The following PBX1 variants were observed in gnomAD, a reference collection of about 807,000 sequenced individuals.
The protein encoded by PBX1 is pre-B-cell leukemia transcription factor 1.
In PBX1, 6 loss-of-function variants were observed where a neutral mutation model predicts 53.4. The observed-to-expected ratio is 0.11, with a 90% CI of 0.06 to 0.22. PBX1 has a LOEUF of 0.22. Ranked by LOEUF, PBX1 falls within the 10% of genes least tolerant of loss-of-function variation. PBX1 has a pLI of 1.00. For synonymous variants in PBX1, 204 were observed against 212.3 expected, an observed-to-expected ratio of 0.96 and a Z score of 0.34; for missense variants, 251 against 551.4, an observed-to-expected ratio of 0.46 and a Z score of 5.46.
At chr1:164,700,791 TC>T (rs34028716) in intron 2 of PBX1, 236,799 of 952,490 alleles carry the variant, frequency 0.25, 30,087 homozygotes, top group East Asian at 0.47. Flanking sequence ...ATGACTTTTT[TC>T]ACCCATCTTT....
intron 2 of PBX1, among the ~76,000 whole-genome samples, chr1:164,672,756 T>G (rs1395296510): frequency 6.6e-6 from 1 of 152,240 alleles, no homozygotes; most frequent in Admixed American, 6.5e-5. Flanking sequence ...CAACTGTGTG[T>G]AACACATAGC....
At chr1:164,602,975 C>G (rs1280007622) in intron 2 of PBX1, among the ~76,000 whole-genome samples, 2 of 152,148 alleles carry the variant, frequency 1.3e-5, no homozygotes, top group Non-Finnish European at 2.9e-5. Flanking sequence ...GGCCTGAGTT[C>G]CTGAGTGTCG....
chr1:164,786,718 T>TGTGTGCGC (rs1391268022), intron 2 of PBX1, among the ~76,000 whole-genome samples: 402 of 100,070 alleles, frequency 4.0e-3, no homozygotes, highest in African/African-American at 0.016. Context: ...TGTGTGTGTG[T>TGTGTGCGC]GTGCGCGCGC....
intron 2 of PBX1, among the ~76,000 whole-genome samples, chr1:164,715,870 C>G (rs540109972): frequency 5.9e-5 from 9 of 152,274 alleles, no homozygotes; most frequent in African/African-American, 2.2e-4. Flanking sequence ...CTGGCCAGGA[C>G]CATTTGTATT....
In PBX1 at chr1:164,613,058, C is replaced by A. The variant is rs184718152; in HGVS notation, c.265+49747C>A. On this transcript the variant is annotated intron_variant, in intron 2 of 8. Coordinates refer to ENST00000420696, the MANE Select transcript of PBX1 (RefSeq NM_002585.4). ...ATGAGAATTTCCTGAACAACAACAACAAAAAAACCCTTCTAGAAATATTTT... is the reference window on the plus strand; with the variant it reads ...ATGAGAATTTCCTGAACAACAACAAAAAAAAAACCCTTCTAGAAATATTTT... Among the ~76,000 whole-genome samples the A allele has an allele frequency of 2.8e-4, 42 of 151,942 alleles. No individual in the cohort carries two copies. The East Asian group carries it at 7.2e-3, about 26-fold the overall frequency.
At chr1:164,800,005 G>T in intron 4 of PBX1, 116 bp downstream of exon 4, 1 of 907,632 alleles carries the variant, frequency 1.1e-6, no homozygotes, top group South Asian at 1.7e-5. Context: ...TGAACCAAGT[G>T]ATACCCTGAG....
chr1:164,850,605 G>T lies in PBX1; in HGVS notation c.*3929G>T, dbSNP rs2102429159. 5.2e-6 allele frequency: 1 copy of T among 192,392 alleles called. No homozygotes were observed. The highest frequency in any genetic ancestry group is 8.2e-5 in the East Asian group (1 of 12,176). The allele number at this position is 192,392 out of a possible 1,614,324, so 11.9% of individuals were successfully genotyped here. Reference sequence around the variant, plus strand: ...GTGAAAAGATGACTTGGGCAGAGGAGTAAGAACAAGTAGGCTTGTTCTTCT... The same window carrying T: ...GTGAAAAGATGACTTGGGCAGAGGATTAAGAACAAGTAGGCTTGTTCTTCT... On this transcript the variant is annotated 3_prime_UTR_variant, in exon 9 of 9. Transcript: ENST00000420696.
At chr1:164,617,357 A>T (rs1657349619) in intron 2 of PBX1, among the ~76,000 whole-genome samples, 1 of 152,216 alleles carries the variant, frequency 6.6e-6, no homozygotes, top group African/African-American at 2.4e-5. Flanking sequence ...AATGGCACAG[A>T]CCGCTAGATC....
intron 8 of PBX1, among the ~76,000 whole-genome samples, chr1:164,826,290 C>T (rs1428282988): frequency 6.9e-6 from 1 of 143,998 alleles, no homozygotes; most frequent in Non-Finnish European, 1.5e-5. Context: ...TATCTTGAAA[C>T]CCAAATGGGA....
intron 8 of PBX1, among the ~76,000 whole-genome samples, chr1:164,826,130 C>A (rs1039262076): frequency 1.3e-5 from 2 of 152,162 alleles, no homozygotes; most frequent in Non-Finnish European, 2.9e-5. Context: ...TCTCTTTCAG[C>A]TCAACAGCTC....
At chr1:164,762,431 G>A (rs1666858338) in intron 2 of PBX1, among the ~76,000 whole-genome samples, 1 of 152,182 alleles carries the variant, frequency 6.6e-6, no homozygotes, top group Admixed American at 6.5e-5. Context: ...AGAGATAACA[G>A]TGAAAATTAA....
intron 8 of PBX1, among the ~76,000 whole-genome samples, chr1:164,844,861 A>G (rs1671490516): frequency 6.6e-6 from 1 of 152,188 alleles, no homozygotes; most frequent in South Asian, 2.1e-4. Context: ...TGAAAGAAAG[A>G]ATTATTTTCC....
At chr1:164,836,807 G>A (rs561224257) in intron 8 of PBX1, among the ~76,000 whole-genome samples, 90 of 152,262 alleles carry the variant, frequency 5.9e-4, no homozygotes, top group Non-Finnish European at 9.1e-4. Flanking sequence ...GATTTGGTGC[G>A]TCACGGAAGA....
intron 2 of PBX1, among the ~76,000 whole-genome samples, chr1:164,868,259 C>G (rs1178767523): frequency 1.3e-5 from 2 of 152,166 alleles, no homozygotes; most frequent in Admixed American, 6.6e-5. Context: ...GAGATATTCT[C>G]TCTTCCCTCT....
chr1:164,713,483 A>G (rs1032156628), intron 2 of PBX1, among the ~76,000 whole-genome samples: 5 of 152,196 alleles, frequency 3.3e-5, no homozygotes, highest in Non-Finnish European at 5.9e-5. Context: ...CACATTCTGC[A>G]TAAACCTTCC....
At chr1:164,782,461 C>CCA (rs1667981904) in intron 2 of PBX1, among the ~76,000 whole-genome samples, 1 of 152,132 alleles carries the variant, frequency 6.6e-6, no homozygotes, top group South Asian at 2.1e-4. Context: ...CTCCTGTGAT[C>CCA]TGTAGAACTG....
chr1:164,834,541 C>T (rs1325572420), intron 8 of PBX1, among the ~76,000 whole-genome samples: 3 of 152,102 alleles, frequency 2.0e-5, no homozygotes, highest in Admixed American at 6.5e-5. Context: ...GACGGAGTTT[C>T]ACCATGTTGG....
chr1:164,884,081 A>G (rs981570090), intron 2 of PBX1, among the ~76,000 whole-genome samples: 12 of 152,174 alleles, frequency 7.9e-5, no homozygotes. Context: ...AACCTTGAGC[A>G]AGTCATTTAA....
Position 164,582,485 on chromosome 1 carries a change from C to T in PBX1, c.265+19174C>T, listed in dbSNP as rs937754483. Among the ~76,000 whole-genome samples, 12 of 150,806 alleles carry T rather than the reference C, an allele frequency of 8.0e-5. 1 individual carries two copies. In the East Asian group the frequency reaches 1.4e-3, roughly 17 times the overall value. On this transcript the variant is annotated intron_variant, in intron 2 of 8. Transcript: ENST00000420696. Reference sequence around the variant, plus strand: ...TTCCCCAGGCTGGAGTGCAGTGACGCGATCTCAGCTCACTGCAACCTCTGC... The same window carrying T: ...TTCCCCAGGCTGGAGTGCAGTGACGTGATCTCAGCTCACTGCAACCTCTGC...
Sources: allele counts gnomAD v4.1 joint callset (sites outside exome capture counted in the v4.1 genomes callset), GRCh38; gene constraint gnomAD v4.1.1; transcripts MANE v1.5; gene names NCBI Gene and HGNC (gene_info 2026-07-23, HGNC 2026-07-21).